The following COLGALT2 variants were observed in gnomAD, a reference collection of about 807,000 sequenced individuals.
The protein encoded by COLGALT2 is collagen beta(1-O)galactosyltransferase 2, also known as procollagen galactosyltransferase 2.
Under a neutral mutation model 73.4 loss-of-function variants are expected in COLGALT2, and 49 were observed. The ratio of observed to expected loss-of-function variants is 0.67; its 90% CI spans 0.53 to 0.85. The LOEUF (loss-of-function observed/expected upper bound fraction) is 0.85. COLGALT2 is among the 40% of genes least tolerant of loss of function. The pLI is 0.00. For synonymous variants in COLGALT2, 295 were observed against 307.6 expected (o/e 0.96, Z 0.43); for missense variants, 722 against 790.2 (o/e 0.91, Z 1.03).
At chr1:184,030,049 T>C (rs1344573012) in intron 1 of COLGALT2, among the ~76,000 whole-genome samples, 1 of 152,246 alleles carries the variant, frequency 6.6e-6, no homozygotes, top group Non-Finnish European at 1.5e-5. Context: ...ATAGAGTAGA[T>C]GGGAGATTTA....
intron 1 of COLGALT2, among the ~76,000 whole-genome samples, chr1:184,019,987 A>G (rs924964928): frequency 1.3e-5 from 2 of 152,234 alleles, no homozygotes; most frequent in Non-Finnish European, 2.9e-5. Context: ...AAGTAAGAAA[A>G]GAGATAAATG....
rs1262208528 is a variant in COLGALT2 at position 183,936,931 on chromosome 1, G to A, written c.*1830C>T. ...GCAAGCTGCCTCTTGTCCTAAAGTG[G>A]GGACCCGCCCCTCACCTGGGGAGAT... On this transcript the variant is annotated 3_prime_UTR_variant, in exon 12 of 12. Transcript: ENST00000361927. The A allele has an allele frequency of 8.1e-7, 1 of 1,231,704 alleles. No individual in the cohort carries two copies. Among genetic ancestry groups the A allele is most frequent in the Non-Finnish European group, 1.0e-6 (1 of 988,040 alleles). The allele number at this position is 1,231,704 out of a possible 1,614,324, so 76.3% of individuals were successfully genotyped here.
intron 2 of COLGALT2, among the ~76,000 whole-genome samples, chr1:183,978,101 T>A (rs1007393780): frequency 1.3e-5 from 2 of 152,140 alleles, no homozygotes; most frequent in Non-Finnish European, 2.9e-5. Context: ...TTCAATATGA[T>A]CCTCCAAATA....
chr1:183,959,192 C>A (rs886655796), intron 6 of COLGALT2, among the ~76,000 whole-genome samples: 1 of 152,140 alleles, frequency 6.6e-6, no homozygotes, highest in Middle Eastern at 3.2e-3. Context: ...TTTTGTCTTC[C>A]CCAGGGATCT....
chr1:183,941,898 A>AAT (rs1471935687), intron 10 of COLGALT2, among the ~76,000 whole-genome samples: 3 of 151,456 alleles, frequency 2.0e-5, no homozygotes, highest in African/African-American at 7.3e-5. Flanking sequence ...AGCTGTGTGA[A>AAT]ATATATATAT....
chr1:183,959,126 G>C (rs982831204), intron 6 of COLGALT2, among the ~76,000 whole-genome samples: 8 of 152,114 alleles, frequency 5.3e-5, no homozygotes, highest in African/African-American at 9.7e-5. Flanking sequence ...CTTCTCAGCA[G>C]CATCTTGGCT....
Position 183,937,308 on chromosome 1 carries a change from A to G in COLGALT2, c.*1453T>C. 1 of 1,084,208 alleles carries G rather than the reference A, an allele frequency of 9.2e-7. No homozygotes were observed. Among genetic ancestry groups the G allele is most frequent in the Non-Finnish European group, 1.1e-6 (1 of 894,710 alleles). The allele number at this position is 1,084,208 out of a possible 1,614,324, so 67.2% of individuals were successfully genotyped here. On this transcript the variant is annotated 3_prime_UTR_variant, in exon 12 of 12. Transcript: ENST00000361927. Reference sequence around the variant, plus strand: ...GGTTTTTCTGGAGACAAAAATTTACAGATTGAGGGCATGAGAACATAAACT... The same window carrying G: ...GGTTTTTCTGGAGACAAAAATTTACGGATTGAGGGCATGAGAACATAAACT...
chr1:183,983,324 G>C (rs979867492), intron 1 of COLGALT2, among the ~76,000 whole-genome samples: 5 of 152,158 alleles, frequency 3.3e-5, no homozygotes, highest in African/African-American at 1.2e-4. Flanking sequence ...AAGCCTGGTG[G>C]TCCCCGCTTA....
intron 1 of COLGALT2, among the ~76,000 whole-genome samples, chr1:184,021,218 C>T (rs1429001557): frequency 6.6e-6 from 1 of 152,122 alleles, no homozygotes; most frequent in African/African-American, 2.4e-5. Flanking sequence ...ACTACTTCAA[C>T]ATTTAAAGGA....
At position 183,978,514 on chromosome 1, in the gene COLGALT2, G is replaced by A; in HGVS notation, c.270C>T (p.Ala90=). 1.3e-6 allele frequency: 2 copies of A among 1,593,822 alleles called. No individual in the cohort carries two copies. Among genetic ancestry groups the A allele is most frequent in the South Asian group, 1.1e-5 (1 of 90,418 alleles). The change falls in exon 2 of 12, where the codon GCC becomes GCT. Residue 90 remains alanine (A), a synonymous_variant. Transcript: ENST00000361927. ...YPKSRMAIWA[A]TDHNVDNTTE... ...TTGTATTATCCACATTGTGATCAGT[G>A]GCTGCCCTGCATGAGAGAAAGCACA...
intron 1 of COLGALT2, among the ~76,000 whole-genome samples, chr1:183,981,762 T>A (rs2986568): frequency 0.63 from 96,194 of 151,596 alleles, 32,316 homozygotes; most frequent in Non-Finnish European, 0.76. Context: ...ATTCAAAAAA[T>A]TTTTTTTATC....
intron 5 of COLGALT2, among the ~76,000 whole-genome samples, chr1:183,969,011 A>G (rs1369692481): frequency 6.6e-6 from 1 of 152,146 alleles, no homozygotes; most frequent in East Asian, 1.9e-4. Flanking sequence ...TCACCTTCCC[A>G]TAATTCCCAA....
At chr1:183,984,016 G>T (rs1312788220) in intron 1 of COLGALT2, among the ~76,000 whole-genome samples, 3 of 152,176 alleles carry the variant, frequency 2.0e-5, no homozygotes, top group Admixed American at 2.0e-4. Context: ...AGGCTCATAC[G>T]GCTCAGTCTT....
Position 183,935,843 on chromosome 1 carries a change from A to C in COLGALT2, c.*2918T>G, listed in dbSNP as rs1669936840. ...AATTGACAATCATATCTTTGAGCTAAGTTTTTTTTTAATTTTTCACAAAGA... is the reference window on the plus strand; with the variant it reads ...AATTGACAATCATATCTTTGAGCTACGTTTTTTTTTAATTTTTCACAAAGA... On this transcript the variant is annotated 3_prime_UTR_variant, in exon 12 of 12. Coordinates refer to ENST00000361927, the MANE Select transcript of COLGALT2 (RefSeq NM_015101.4). 1 of 984,640 alleles carries C rather than the reference A, an allele frequency of 1.0e-6. No individual in the cohort carries two copies. The highest frequency in any genetic ancestry group is 6.1e-5 in the Admixed American group (1 of 16,280). The allele number at this position is 984,640 out of a possible 1,614,324, so 61.0% of individuals were successfully genotyped here.
intron 11 of COLGALT2, 56 bp from the exon 12 acceptor site, chr1:183,939,093 C>G (rs1670041848): frequency 2.2e-6 from 3 of 1,386,586 alleles, no homozygotes; most frequent in Admixed American, 3.6e-5. Flanking sequence ...ACTTACGGAA[C>G]AGGGACAAAG....
chr1:184,030,491 A>T (rs1649478807), intron 1 of COLGALT2, among the ~76,000 whole-genome samples: 1 of 152,208 alleles, frequency 6.6e-6, no homozygotes, highest in Admixed American at 6.5e-5. Context: ...GTCCTATATA[A>T]GCCTTATAAT....
At position 184,018,011 on chromosome 1, in the gene COLGALT2, T is replaced by C. The variant is rs76076739; in HGVS notation, c.263+19084A>G. The stretch of plus-strand genomic sequence containing the variant: ...TTTCATTATTAAGCAAAAGATGTTA[T>C]AAATTGCAGGATACTACATAACAAA... On this transcript the variant is annotated intron_variant, in intron 1 of 11. Transcript: ENST00000361927. Among the ~76,000 whole-genome samples, 886 of 152,334 alleles carry C rather than the reference T, an allele frequency of 5.8e-3. 16 individuals are homozygous for C. The highest frequency in any genetic ancestry group is 0.02 in the African/African-American group (852 of 41,578).
rs367771802 is a variant in COLGALT2, at chr1:183,973,619, A to C, written c.624T>G (p.Pro208=). The C allele has an allele frequency of 1.6e-4, 266 of 1,613,988 alleles. No homozygotes were observed. Among genetic ancestry groups the C allele is most frequent in the Non-Finnish European group, 2.2e-4 (255 of 1,180,004 alleles). Residue 208 remains proline (P), a synonymous_variant, in exon 4 of 12, where the codon CCT becomes CCG. Coordinates refer to ENST00000361927, the MANE Select transcript of COLGALT2 (RefSeq NM_015101.4). ...LYSNFWCGIT[P]KGFYKRTPDY... ...TTCATTTAAGCAAAAGACTTGCCTT[A>C]GGGGTGATTCCGCACCAGAAATTAG...
At chr1:184,032,746 T>G (rs1430703925) in intron 1 of COLGALT2, among the ~76,000 whole-genome samples, 2 of 152,212 alleles carry the variant, frequency 1.3e-5, no homozygotes, top group Non-Finnish European at 2.9e-5. Context: ...AAATATGACA[T>G]CATTCTTACC....
Sources: allele counts gnomAD v4.1 joint callset (sites outside exome capture counted in the v4.1 genomes callset), GRCh38; gene constraint gnomAD v4.1.1; transcripts MANE v1.5; gene names NCBI Gene and HGNC (gene_info 2026-07-23, HGNC 2026-07-21).